The following ROR2 variants were observed in gnomAD, a reference collection of about 807,000 sequenced individuals.
ROR2 encodes the protein tyrosine-protein kinase transmembrane receptor ROR2.
A neutral mutation model predicts 74.9 loss-of-function variants in ROR2; 33 were observed. The observed-to-expected ratio is 0.44, with a 90% CI of 0.33 to 0.59. The LOEUF (loss-of-function observed/expected upper bound fraction) is 0.59, where lower values mean the gene tolerates loss of function less well. Ranked by LOEUF, ROR2 falls within the 20% of genes least tolerant of loss-of-function variation. The probability of loss-of-function intolerance (pLI) is 0.02; values close to 1 mark genes in which losing one functional copy is unlikely to be tolerated. For missense variants in ROR2, 1,216 were observed against 1,313.8 expected, an observed-to-expected ratio of 0.93 and a Z score of 1.15; for synonymous variants, 586 against 558.7, an observed-to-expected ratio of 1.05 and a Z score of -0.69.
At chr9:91,864,177 C>T (rs1829558031) in intron 1 of ROR2, among the ~76,000 whole-genome samples, 2 of 152,154 alleles carry the variant, frequency 1.3e-5, no homozygotes, top group East Asian at 1.9e-4. Flanking sequence ...CTGTGTTCCC[C>T]GAATTCAAAT....
chr9:91,741,532 G>C (rs1263854147), intron 4 of ROR2, among the ~76,000 whole-genome samples: 1 of 151,878 alleles, frequency 6.6e-6, no homozygotes, highest in Non-Finnish European at 1.5e-5. Context: ...TAATAATGAA[G>C]GAGGTTTAAA....
At chr9:91,798,307 T>C (rs1827246454) in intron 1 of ROR2, among the ~76,000 whole-genome samples, 2 of 132,964 alleles carry the variant, frequency 1.5e-5, no homozygotes, top group African/African-American at 6.1e-5. Context: ...CACCCTGGGA[T>C]CTGTGGGTGC....
intron 4 of ROR2, among the ~76,000 whole-genome samples, chr9:91,743,441 C>T (rs993950926): frequency 3.3e-5 from 5 of 151,948 alleles, no homozygotes; most frequent in Admixed American, 1.3e-4. Flanking sequence ...CGTGGTGATG[C>T]GTGCCTGTAA....
intron 1 of ROR2, among the ~76,000 whole-genome samples, chr9:91,881,251 A>C (rs1830103196): frequency 6.6e-6 from 1 of 152,248 alleles, no homozygotes; most frequent in Non-Finnish European, 1.5e-5. Flanking sequence ...ATTAAAATTG[A>C]TTATTATAAA....
At chr9:91,917,375 T>A (rs1336374999) in intron 1 of ROR2, among the ~76,000 whole-genome samples, 1 of 152,068 alleles carries the variant, frequency 6.6e-6, no homozygotes, top group Non-Finnish European at 1.5e-5. Flanking sequence ...AGAAAGAGAC[T>A]GGAGTTCATG....
Position 91,893,007 on chromosome 9 carries a change from A to C in ROR2, c.97+56860T>G, listed in dbSNP as rs563935405. 3.3e-5 allele frequency among the ~76,000 whole-genome samples: 5 copies of C among 152,318 alleles called. No homozygotes were observed. In the South Asian group the frequency reaches 1.0e-3, roughly 32 times the overall value. On this transcript the variant is annotated intron_variant, in intron 1 of 8. Coordinates refer to ENST00000375708, the MANE Select transcript of ROR2 (RefSeq NM_004560.4). ...GCTCAACAAAAGAAACCAAGGGTGAAGTGAAAAGTCCACCTGTGGTAACCA... is the reference window on the plus strand; with the variant it reads ...GCTCAACAAAAGAAACCAAGGGTGACGTGAAAAGTCCACCTGTGGTAACCA...
intron 4 of ROR2, among the ~76,000 whole-genome samples, chr9:91,740,566 A>T (rs927440058): frequency 6.7e-6 from 1 of 149,080 alleles, no homozygotes; most frequent in African/African-American, 2.5e-5. Flanking sequence ...GGGGGGGGGA[A>T]TATATATATG....
chr9:91,733,409 G>T lies in ROR2; in HGVS notation c.650C>A (p.Thr217Lys). Residue 217 changes from threonine (T) to lysine (K), a missense_variant, in exon 6 of 9, where the codon ACG (threonine) becomes AAG (lysine). Transcript: ENST00000375708. The surrounding 1 kb of genome is among the most constrained non-coding windows in gnomAD (Gnocchi z 5.7). ...TAAFTMIGTS[T>K]HLSDQCSQFA... ...CTGTGAGCACTGGTCCGACAGGTGC[G>T]TAGACGTGCCGATCATGGTGAAGGC... The T allele has an allele frequency of 6.2e-7, 1 of 1,611,496 alleles. No individual in the cohort carries two copies.
chr9:91,731,574 A>G (rs1213878750), intron 6 of ROR2, among the ~76,000 whole-genome samples: 3 of 152,206 alleles, frequency 2.0e-5, no homozygotes, highest in Non-Finnish European at 4.4e-5. Flanking sequence ...CGCCACCTCC[A>G]TGGAGGAACC....
At chr9:91,817,038 C>G (rs969686139) in intron 1 of ROR2, among the ~76,000 whole-genome samples, 4 of 152,214 alleles carry the variant, frequency 2.6e-5, no homozygotes, top group African/African-American at 9.7e-5. Context: ...ATATAGACTG[C>G]CTGTGGGGAG....
intron 4 of ROR2, among the ~76,000 whole-genome samples, chr9:91,746,670 A>G (rs189424540): frequency 6.6e-6 from 1 of 152,272 alleles, no homozygotes; most frequent in East Asian, 1.9e-4. Flanking sequence ...GAGATAAGTC[A>G]GACTTGAAAA....
At chr9:91,804,879 C>G (rs1212799176) in intron 1 of ROR2, among the ~76,000 whole-genome samples, 2 of 152,328 alleles carry the variant, frequency 1.3e-5, no homozygotes, top group South Asian at 4.1e-4. Flanking sequence ...CTAGCCCTCT[C>G]TATGACTGCA....
intron 4 of ROR2, among the ~76,000 whole-genome samples, chr9:91,749,317 A>C (rs1317282532): frequency 6.6e-6 from 1 of 152,210 alleles, no homozygotes; most frequent in Non-Finnish European, 1.5e-5. Flanking sequence ...TGGAGGCTGG[A>C]AGTCCAACAT....
intron 1 of ROR2, among the ~76,000 whole-genome samples, chr9:91,921,798 T>C (rs1831271253): frequency 6.7e-6 from 1 of 150,364 alleles, no homozygotes; most frequent in African/African-American, 2.5e-5. Flanking sequence ...GGGAGACAGG[T>C]TGCAGTGAGC....
chr9:91,889,389 C>T (rs147733637), intron 1 of ROR2, among the ~76,000 whole-genome samples: 33 of 152,304 alleles, frequency 2.2e-4, no homozygotes, highest in Non-Finnish European at 4.0e-4. Flanking sequence ...ACCATGAAGG[C>T]GCCCCAATAG....
chr9:91,860,484 T>C (rs542141407), intron 1 of ROR2, among the ~76,000 whole-genome samples: 1 of 152,172 alleles, frequency 6.6e-6, no homozygotes, highest in East Asian at 1.9e-4. Flanking sequence ...TGGAAATGCA[T>C]GAGAGGGGAT....
At chr9:91,858,626 G>A (rs1285355870) in intron 1 of ROR2, among the ~76,000 whole-genome samples, 3 of 152,188 alleles carry the variant, frequency 2.0e-5, no homozygotes, top group South Asian at 2.1e-4. Context: ...TGGAGGCAAA[G>A]TAATGAGTTG....
chr9:91,742,249 C>T (rs910736780), intron 4 of ROR2, among the ~76,000 whole-genome samples: 1 of 152,106 alleles, frequency 6.6e-6, no homozygotes, highest in African/African-American at 2.4e-5. Context: ...CAGGAAAGAC[C>T]GACCCCCATG....
intron 2 of ROR2, 137 bp from the exon 3 acceptor site, chr9:91,757,696 G>T: frequency 1.1e-6 from 1 of 888,512 alleles, no homozygotes; most frequent in Non-Finnish European, 1.8e-6. Context: ...GTTATCTGCG[G>T]TAATTATCTT....
Sources: allele counts gnomAD v4.1 joint callset (sites outside exome capture counted in the v4.1 genomes callset), GRCh38; gene constraint gnomAD v4.1.1; non-coding constraint Gnocchi (gnomAD v3.1); transcripts MANE v1.5; gene names NCBI Gene and HGNC (gene_info 2026-07-23, HGNC 2026-07-21).